The following PDE1A variants were observed in gnomAD, a reference collection of about 807,000 sequenced individuals.
PDE1A encodes the protein phosphodiesterase 1A, also known as dual specificity calcium/calmodulin-dependent 3',5'-cyclic nucleotide phosphodiesterase 1A.
A neutral mutation model predicts 61.7 loss-of-function variants in PDE1A; 35 were observed. The observed-to-expected ratio is 0.57, with a 90% CI of 0.43 to 0.75. The LOEUF is 0.75. Among genes scored for constraint, PDE1A ranks in the 30% least tolerant of loss-of-function variants. The pLI, the probability that PDE1A is intolerant of heterozygous loss-of-function variation, is 0.00. For synonymous variants in PDE1A, 232 were observed against 213.2 expected (o/e 1.09, Z -0.77); for missense variants, 597 against 630.6 (o/e 0.95, Z 0.57).
chr2:182,252,820 C>A (rs1224056670), intron 2 of PDE1A, among the ~76,000 whole-genome samples: 1 of 152,046 alleles, frequency 6.6e-6, no homozygotes, highest in Non-Finnish European at 1.5e-5. Context: ...CCTGAGACAG[C>A]CTCACAGATA....
At chr2:182,213,098 G>A (rs1687801392) in intron 7 of PDE1A, among the ~76,000 whole-genome samples, 1 of 150,424 alleles carries the variant, frequency 6.6e-6, no homozygotes, top group African/African-American at 2.5e-5. Flanking sequence ...TCCTCAAGTG[G>A]GTCCCTGACC....
At chr2:182,308,752 A>T (rs983801246) in intron 1 of PDE1A, among the ~76,000 whole-genome samples, 1 of 152,102 alleles carries the variant, frequency 6.6e-6, no homozygotes, top group Admixed American at 6.6e-5. Context: ...CTTTGAAACA[A>T]TCCAAATACT....
chr2:182,188,226 T>C (rs1040139177), intron 11 of PDE1A, among the ~76,000 whole-genome samples: 3 of 152,104 alleles, frequency 2.0e-5, no homozygotes, highest in Admixed American at 1.3e-4. Context: ...TGTGTTATGG[T>C]CTCTAGAAAA....
exon 10 of PDE1A, chr2:182,201,486 G>C: frequency 6.2e-7 from 1 of 1,614,038 alleles, no homozygotes; most frequent in Non-Finnish European, 8.5e-7. Flanking sequence ...CGATAATGCA[G>C]CTTCCAGGAT....
At chr2:182,393,313 A>G (rs971318985) in intron 1 of PDE1A, among the ~76,000 whole-genome samples, 1 of 152,102 alleles carries the variant, frequency 6.6e-6, no homozygotes, top group Non-Finnish European at 1.5e-5. Flanking sequence ...TTTTAGCCAC[A>G]GCTGGGATGC....
chr2:182,588,772 T>G, the PDE1A span, among the ~76,000 whole-genome samples: 1 of 152,252 alleles, frequency 6.6e-6, no homozygotes, highest in Non-Finnish European at 1.5e-5. Context: ...AGCCGGGCGC[T>G]ATGGCTCACG....
chr2:182,490,595 G>C (rs551441054), intron 2 of PDE1A, among the ~76,000 whole-genome samples: 73 of 151,734 alleles, frequency 4.8e-4, no homozygotes, highest in African/African-American at 1.7e-3. Context: ...GGATGGTCTC[G>C]ATCTCCTGAA....
At chr2:182,392,351 G>T (rs776058337) in intron 1 of PDE1A, among the ~76,000 whole-genome samples, 1 of 152,104 alleles carries the variant, frequency 6.6e-6, no homozygotes, top group African/African-American at 2.4e-5. Context: ...CACAAGAACA[G>T]CACGTGAAAA....
At chr2:182,657,258 G>A in the PDE1A span, among the ~76,000 whole-genome samples, 7 of 152,012 alleles carry the variant, frequency 4.6e-5, no homozygotes, top group Non-Finnish European at 7.4e-5. Flanking sequence ...ACTATATTAC[G>A]TTAAATTTTT....
At chr2:182,541,672 A>G in the PDE1A span, among the ~76,000 whole-genome samples, 27 of 152,306 alleles carry the variant, frequency 1.8e-4, no homozygotes, top group South Asian at 2.1e-3. Flanking sequence ...ATAAAAACCT[A>G]TTACACATGT....
At chr2:182,274,557 G>A (rs1275106605) in intron 1 of PDE1A, among the ~76,000 whole-genome samples, 1 of 152,046 alleles carries the variant, frequency 6.6e-6, no homozygotes, top group Non-Finnish European at 1.5e-5. Flanking sequence ...ATTTTTTGGA[G>A]ATACAATTTG....
the PDE1A span, among the ~76,000 whole-genome samples, chr2:182,637,366 C>A: frequency 3.3e-5 from 5 of 152,182 alleles, no homozygotes; most frequent in African/African-American, 7.2e-5. Flanking sequence ...ATGAACTGAA[C>A]TGTGAAGAAC....
chr2:182,615,879 A>T, the PDE1A span, among the ~76,000 whole-genome samples: 1 of 152,182 alleles, frequency 6.6e-6, no homozygotes, highest in Non-Finnish European at 1.5e-5. Flanking sequence ...TGCCCATGAC[A>T]ATGGCATTAA....
intron 2 of PDE1A, among the ~76,000 whole-genome samples, chr2:182,513,651 C>G (rs987974419): frequency 2.0e-5 from 3 of 152,186 alleles, no homozygotes; most frequent in Admixed American, 6.5e-5. Flanking sequence ...CACGAAGTGG[C>G]AAGTTGGATA....
At chr2:182,457,604 T>G (rs1213124428) in intron 2 of PDE1A, among the ~76,000 whole-genome samples, 3 of 151,890 alleles carry the variant, frequency 2.0e-5, no homozygotes, top group Non-Finnish European at 4.4e-5. Context: ...TGATGTATGG[T>G]TTTGGTAGTG....
At chr2:182,342,883 G>T (rs1315150794) in intron 1 of PDE1A, among the ~76,000 whole-genome samples, 1 of 152,114 alleles carries the variant, frequency 6.6e-6, no homozygotes, top group Non-Finnish European at 1.5e-5. Context: ...CTGAAGAGAG[G>T]TTCAGGGCTC....
At chr2:182,185,360 A>G (rs1685118095) in intron 13 of PDE1A, among the ~76,000 whole-genome samples, 1 of 152,332 alleles carries the variant, frequency 6.6e-6, no homozygotes. Context: ...AATTTGAAGC[A>G]GCTAATATGT....
At chr2:182,312,730 G>A (rs938506896) in intron 1 of PDE1A, among the ~76,000 whole-genome samples, 1 of 152,002 alleles carries the variant, frequency 6.6e-6, no homozygotes, top group Non-Finnish European at 1.5e-5. Context: ...ATCGGGTAGT[G>A]TCAGTCTTCT....
the PDE1A span, among the ~76,000 whole-genome samples, chr2:182,682,237 T>C: frequency 6.6e-6 from 1 of 152,196 alleles, no homozygotes; most frequent in Non-Finnish European, 1.5e-5. Flanking sequence ...GAGATGAGCA[T>C]TGCCTGAGAA....
Sources: gnomAD v4.1 joint callset for allele counts (sites outside exome capture counted in the v4.1 genomes callset) on GRCh38, gnomAD v4.1.1 for gene constraint, MANE v1.5 for transcripts, NCBI Gene and HGNC (gene_info 2026-07-23, HGNC 2026-07-21) for gene names.